Variants in KCNH8 observed in about 807,000 individuals in gnomAD.
KCNH8 encodes the protein potassium voltage-gated channel subfamily H member 8, also known as voltage-gated delayed rectifier potassium channel KCNH8.
In KCNH8, 70 loss-of-function variants were observed where a neutral mutation model predicts 103.6. That is an observed-to-expected ratio of 0.68 (90% confidence interval 0.56 to 0.82). KCNH8 has a LOEUF of 0.82. Ranked by LOEUF, KCNH8 falls within the 40% of genes least tolerant of loss-of-function variation. The probability of loss-of-function intolerance (pLI) is 0.00; values close to 1 mark genes in which losing one functional copy is unlikely to be tolerated. For missense variants in KCNH8, 1,217 were observed against 1,329.9 expected, an observed-to-expected ratio of 0.92 and a Z score of 1.32; for synonymous variants, 498 against 489.4, an observed-to-expected ratio of 1.02 and a Z score of -0.23.
chr3:19,305,935 G>A (rs1157231949), intron 3 of KCNH8, among the ~76,000 whole-genome samples: 1 of 151,922 alleles, frequency 6.6e-6, no homozygotes, highest in Non-Finnish European at 1.5e-5. Context: ...AATTGGTAAT[G>A]CCTTGAAAAT....
At chr3:19,510,318 C>T (rs776788013) in intron 11 of KCNH8, 45 bp from the exon 12 acceptor site, 4 of 1,232,590 alleles carry the variant, frequency 3.2e-6, no homozygotes, top group African/African-American at 3.0e-5. Context: ...AGTCCCAAAC[C>T]ACCAGGATAT....
At chr3:19,300,803 A>T (rs1009262337) in intron 3 of KCNH8, among the ~76,000 whole-genome samples, 1 of 151,628 alleles carries the variant, frequency 6.6e-6, no homozygotes, top group Non-Finnish European at 1.5e-5. Context: ...ATTGAGAGCT[A>T]GAGATTTTAT....
intron 3 of KCNH8, among the ~76,000 whole-genome samples, chr3:19,327,975 G>A (rs566876236): frequency 1.3e-5 from 2 of 152,272 alleles, no homozygotes; most frequent in Non-Finnish European, 2.9e-5. Context: ...AAACTTAAGA[G>A]ATGCTCAATA....
At chr3:19,336,499 A>G (rs2053507) in intron 3 of KCNH8, among the ~76,000 whole-genome samples, 38,926 of 151,694 alleles carry the variant, frequency 0.26, 5,534 homozygotes, top group African/African-American at 0.35. Context: ...GGTAGATACC[A>G]TAGATATTCA....
intron 11 of KCNH8, among the ~76,000 whole-genome samples, chr3:19,495,073 A>G (rs556388273): frequency 1.3e-5 from 2 of 152,032 alleles, no homozygotes; most frequent in South Asian, 2.1e-4. Flanking sequence ...AAATTTGTGT[A>G]AGTTCCTTAT....
chr3:19,232,212 A>G (rs1399590427), intron 1 of KCNH8, among the ~76,000 whole-genome samples: 1 of 152,206 alleles, frequency 6.6e-6, no homozygotes, highest in African/African-American at 2.4e-5. Context: ...ATTTACTTCA[A>G]TCAATAGATT....
intron 13 of KCNH8, among the ~76,000 whole-genome samples, chr3:19,514,691 A>ATAAT: frequency 6.6e-6 from 1 of 151,754 alleles, no homozygotes; most frequent in Non-Finnish European, 1.5e-5. Flanking sequence ...TGATTTAAAT[A>ATAAT]TAATTATTTA....
At chr3:19,483,481 C>T (rs1441841304) in intron 11 of KCNH8, among the ~76,000 whole-genome samples, 2 of 151,976 alleles carry the variant, frequency 1.3e-5, no homozygotes, top group Non-Finnish European at 2.9e-5. Context: ...TTTTTCTGAG[C>T]CGGGAATTCA....
intron 11 of KCNH8, among the ~76,000 whole-genome samples, chr3:19,468,028 C>T (rs974348041): frequency 2.6e-5 from 4 of 152,146 alleles, no homozygotes; most frequent in Non-Finnish European, 4.4e-5. Flanking sequence ...TGTGCTACTC[C>T]TCTGCCCTTA....
chr3:19,377,800 T>G (rs1474762461), intron 5 of KCNH8, among the ~76,000 whole-genome samples: 1 of 152,166 alleles, frequency 6.6e-6, no homozygotes, highest in African/African-American at 2.4e-5. Flanking sequence ...GATTGGATTT[T>G]CAAGACCAAC....
chr3:19,319,331 C>T (rs9827197), intron 3 of KCNH8, among the ~76,000 whole-genome samples: 21,233 of 151,752 alleles, frequency 0.14, 1,896 homozygotes, highest in African/African-American at 0.24. Context: ...CATCTTGAGT[C>T]GATTTTTGTA....
chr3:19,290,314 G>C (rs1338752605), intron 3 of KCNH8, among the ~76,000 whole-genome samples: 2 of 152,140 alleles, frequency 1.3e-5, no homozygotes, highest in African/African-American at 4.8e-5. Flanking sequence ...GGGCATCCCT[G>C]TCTTGTGCCA....
chr3:19,309,073 G>C (rs1559470432), intron 3 of KCNH8, among the ~76,000 whole-genome samples: 1 of 151,730 alleles, frequency 6.6e-6, no homozygotes, highest in Non-Finnish European at 1.5e-5. Flanking sequence ...CTTTATACCA[G>C]CCAAGTGCTT....
At chr3:19,260,487 GATATATATAT>G (rs57661437) in intron 2 of KCNH8, among the ~76,000 whole-genome samples, 1,163 of 39,968 alleles carry the variant, frequency 0.029, 25 homozygotes, top group African/African-American at 0.057. Flanking sequence ...TACTCTATAG[GATATATATAT>G]ATATATATAT....
chr3:19,446,559 G>T (rs1275545504), intron 8 of KCNH8, among the ~76,000 whole-genome samples: 1 of 151,940 alleles, frequency 6.6e-6, no homozygotes, highest in East Asian at 1.9e-4. Flanking sequence ...ACAAGCCAGT[G>T]TACTTATAAC....
At chr3:19,478,979 C>G (rs1267389345) in intron 11 of KCNH8, among the ~76,000 whole-genome samples, 1 of 152,120 alleles carries the variant, frequency 6.6e-6, no homozygotes, top group South Asian at 2.1e-4. Flanking sequence ...AAATAAAGTT[C>G]TTTTGTGTAA....
At chr3:19,531,352 T>G (rs928376791) in intron 15 of KCNH8, among the ~76,000 whole-genome samples, 1 of 152,232 alleles carries the variant, frequency 6.6e-6, no homozygotes, top group Non-Finnish European at 1.5e-5. Context: ...GTGATTCATG[T>G]GCTTTAGAAT....
chr3:19,374,789 A>G (rs553204618), intron 5 of KCNH8, among the ~76,000 whole-genome samples: 3 of 151,958 alleles, frequency 2.0e-5, no homozygotes, highest in South Asian at 2.1e-4. Context: ...AGCTCTTGTA[A>G]GGCAGGCCTG....
At chr3:19,398,643 G>A (rs1245584717) in intron 7 of KCNH8, among the ~76,000 whole-genome samples, 2 of 151,876 alleles carry the variant, frequency 1.3e-5, no homozygotes. Flanking sequence ...AGTGGGAGAT[G>A]TTTCACTCTG....
Sources: allele counts gnomAD v4.1 joint callset (sites outside exome capture counted in the v4.1 genomes callset), GRCh38; gene constraint gnomAD v4.1.1; transcripts MANE v1.5; gene names NCBI Gene and HGNC (gene_info 2026-07-23, HGNC 2026-07-21).